The following ZXDC variants were observed in gnomAD, a reference collection of about 807,000 sequenced individuals.
ZXDC encodes the protein zinc finger protein ZXDC.
ZXDC carries 58 observed loss-of-function variants against 63.6 expected under a neutral mutation model. The ratio of observed to expected loss-of-function variants is 0.91; its 90% CI spans 0.74 to 1.13. The LOEUF is 1.13. ZXDC is among the 50% of genes most tolerant of loss of function. ZXDC has a pLI of 0.00. For missense variants in ZXDC, 1,133 were observed against 1,148.9 expected, an observed-to-expected ratio of 0.99 and a Z score of 0.20; for synonymous variants, 561 against 496.1, an observed-to-expected ratio of 1.13 and a Z score of -1.74.
chr3:126,466,836 G>A (rs1934787979), intron 4 of ZXDC, among the ~76,000 whole-genome samples: 1 of 152,102 alleles, frequency 6.6e-6, no homozygotes, highest in African/African-American at 2.4e-5. Flanking sequence ...GGAGCCCAGA[G>A]CTGGCAACTC....
chr3:126,470,586 T>C lies in ZXDC; in HGVS notation c.1270+309A>G, dbSNP rs532330008. Reference sequence around the variant, plus strand: ...TACCATTTACTGAGTCCGAGCTCCATGCCAGATGGATAAACAGGCATTTTC... The same window carrying C: ...TACCATTTACTGAGTCCGAGCTCCACGCCAGATGGATAAACAGGCATTTTC... On this transcript the variant is annotated intron_variant, in intron 4 of 9. Transcript: ENST00000389709. Among the ~76,000 whole-genome samples, 3 of 152,362 alleles carry C rather than the reference T, an allele frequency of 2.0e-5. No homozygotes were observed. The South Asian group carries it at 6.2e-4, about 32-fold the overall frequency.
chr3:126,439,469 C>T (rs566584314), intron 9 of ZXDC, among the ~76,000 whole-genome samples, 163 bp downstream of exon 9: 1 of 152,354 alleles, frequency 6.6e-6, no homozygotes, highest in South Asian at 2.1e-4. Flanking sequence ...TCCACTCACC[C>T]ACCTTCTCCA....
chr3:126,455,201 G>A (rs1934259704), intron 7 of ZXDC: 1 of 452,506 alleles, frequency 2.2e-6, no homozygotes, highest in African/African-American at 2.1e-5. Context: ...CAACATAACT[G>A]ACCTGAACTG....
chr3:126,441,790 T>C lies in ZXDC; in HGVS notation c.2369A>G (p.Gln790Arg). ...APAAGVQCGA[Q>R]GVQVQLVQDD... is the part of the protein sequence containing the mutation. Reference sequence around the variant, plus strand: ...CTGCACCAGCTGGACCTGGACGCCCTGCGCCCCGCACTGCACCCCAGCTGC... The same window carrying C: ...CTGCACCAGCTGGACCTGGACGCCCCGCGCCCCGCACTGCACCCCAGCTGC... Residue 790 changes from glutamine to arginine, a missense_variant, in exon 8 of 10, where the codon CAG (glutamine) becomes CGG (arginine). Coordinates refer to ENST00000389709, the MANE Select transcript of ZXDC (RefSeq NM_025112.5). 1 of 1,607,006 alleles carries C rather than the reference T, an allele frequency of 6.2e-7. No individual in the cohort carries two copies. The highest frequency in any genetic ancestry group is 8.5e-7 in the Non-Finnish European group (1 of 1,177,658).
At chr3:126,440,190 G>T in intron 8 of ZXDC, 1 of 999,562 alleles carries the variant, frequency 1.0e-6, no homozygotes, top group Non-Finnish European at 1.2e-6. Context: ...AGGGGCTCCT[G>T]AGAGGGGAGG....
chr3:126,445,135 C>A (rs1459748722), intron 7 of ZXDC, among the ~76,000 whole-genome samples: 2 of 152,184 alleles, frequency 1.3e-5, no homozygotes, highest in African/African-American at 4.8e-5. Flanking sequence ...GAAGAAACAC[C>A]ACCACTAATT....
At chr3:126,446,633 G>GT (rs1463400121) in intron 7 of ZXDC, among the ~76,000 whole-genome samples, 1 of 152,182 alleles carries the variant, frequency 6.6e-6, no homozygotes, top group Admixed American at 6.5e-5. Flanking sequence ...TGAACAGGAG[G>GT]TAAGTGACTA....
In ZXDC at chr3:126,466,186, C is replaced by T. The variant is rs780728990; in HGVS notation, c.1410G>A (p.Ala470=). ...RLFTSKHSMK[A]HMVRQHSRRQ... ...GCCGGCTGTGCTGTCTGACCATGTGCGCCTTCATGCTGTGCTTGGAGGTGA... is the reference window on the plus strand; with the variant it reads ...GCCGGCTGTGCTGTCTGACCATGTGTGCCTTCATGCTGTGCTTGGAGGTGA... Residue 470 remains alanine, a synonymous_variant, in exon 5 of 10, where the codon GCG becomes GCA. Transcript: ENST00000389709. 6 of 1,613,984 alleles carry T rather than the reference C, an allele frequency of 3.7e-6. No homozygotes were observed. The highest frequency in any genetic ancestry group is 3.3e-5 in the Admixed American group (2 of 59,984).
intron 7 of ZXDC, chr3:126,458,819 G>C (rs1266189511): frequency 1.0e-6 from 1 of 985,272 alleles, no homozygotes; most frequent in African/African-American, 1.7e-5. Flanking sequence ...GGTACTTTGT[G>C]AACTGTTGAG....
chr3:126,458,951 C>T (rs1230799103), intron 7 of ZXDC: 2 of 981,526 alleles, frequency 2.0e-6, no homozygotes, highest in Admixed American at 6.2e-5. Flanking sequence ...AGTCATAATA[C>T]TATTAGGAAT....
intron 6 of ZXDC, 23 bp downstream of exon 6, chr3:126,461,512 T>C: frequency 6.3e-7 from 1 of 1,589,042 alleles, no homozygotes; most frequent in Admixed American, 1.7e-5. Flanking sequence ...TATATGGTGG[T>C]GACTGAATAG....
rs1034890267 is a variant in ZXDC, at chr3:126,449,008, C to T, written c.2213-7062G>A. ...CGCAGGCAGGGCAGGTCCACAGGCA[C>T]GGCACATAGCACAGGGTATGGCATA... is the stretch of plus-strand genomic sequence containing the variant. On this transcript the variant is annotated intron_variant, in intron 7 of 9. Transcript: ENST00000389709. Among the ~76,000 whole-genome samples, 5 of 152,158 alleles carry T rather than the reference C, an allele frequency of 3.3e-5. 1 individual carries two copies. Among genetic ancestry groups the T allele is most frequent in the African/African-American group, 4.8e-5 (2 of 41,416 alleles).
intron 5 of ZXDC, among the ~76,000 whole-genome samples, chr3:126,465,051 C>T (rs940611103): frequency 2.0e-5 from 3 of 152,242 alleles, no homozygotes; most frequent in East Asian, 1.9e-4. Flanking sequence ...CCCTTGCCAA[C>T]GCGGCAGCTG....
intron 7 of ZXDC, among the ~76,000 whole-genome samples, chr3:126,446,753 T>C (rs116128788): frequency 6.6e-6 from 1 of 152,236 alleles, no homozygotes; most frequent in African/African-American, 2.4e-5. Context: ...AATATGTTAA[T>C]ATACTTATCC....
intron 7 of ZXDC, chr3:126,453,005 T>G: frequency 1.0e-6 from 1 of 985,348 alleles, no homozygotes. Context: ...CCCACAGTGC[T>G]GGGATTACAG....
intron 7 of ZXDC, chr3:126,454,860 G>A (rs913245752): frequency 1.0e-6 from 1 of 985,272 alleles, no homozygotes; most frequent in Non-Finnish European, 1.2e-6. Flanking sequence ...TTATTCTAAG[G>A]GGAGAATCTC....
intron 6 of ZXDC, chr3:126,460,684 C>T (rs1259214469): frequency 1.6e-5 from 16 of 985,290 alleles, no homozygotes; most frequent in South Asian, 4.7e-5. Context: ...GCTCTGCCAC[C>T]GACAAGCAAG....
chr3:126,466,469 A>T, intron 4 of ZXDC, 144 bp from the exon 5 acceptor site: 1 of 836,164 alleles, frequency 1.2e-6, no homozygotes, highest in Non-Finnish European at 1.9e-6. Context: ...ATATCTCTAG[A>T]AGTAGCATCA....
chr3:126,439,554 C>G, intron 9 of ZXDC, 78 bp downstream of exon 9: 1 of 1,549,628 alleles, frequency 6.5e-7, no homozygotes, highest in Non-Finnish European at 8.7e-7. Flanking sequence ...CAGCCTGCAG[C>G]TGTGAAGCCA....
Sources: gnomAD v4.1 joint callset for allele counts (sites outside exome capture counted in the v4.1 genomes callset) on GRCh38, gnomAD v4.1.1 for gene constraint, MANE v1.5 for transcripts, NCBI Gene and HGNC (gene_info 2026-07-23, HGNC 2026-07-21) for gene names.